GALNT2: variants seen among roughly 807,000 people sequenced by gnomAD.
GALNT2 encodes the protein UDP-GalNAc:polypeptide N-acetylgalactosaminyltransferase 2.
A neutral mutation model predicts 81.4 loss-of-function variants in GALNT2; 31 were observed. That is an observed-to-expected ratio of 0.38 (90% CI 0.29 to 0.51). GALNT2 has a LOEUF of 0.51. Ranked by LOEUF, GALNT2 falls within the 20% of genes least tolerant of loss-of-function variation. GALNT2 has a pLI of 0.87. For missense variants in GALNT2, 629 were observed against 765.7 expected, an observed-to-expected ratio of 0.82 and a Z score of 2.11; for synonymous variants, 303 against 287.4, an observed-to-expected ratio of 1.05 and a Z score of -0.55.
At chr1:230,203,388 G>T in intron 3 of GALNT2, 98 bp downstream of exon 3, 2 of 1,375,818 alleles carry the variant, frequency 1.5e-6, no homozygotes, top group Non-Finnish European at 2.0e-6. Context: ...CCATTACTCT[G>T]GGAAATTGAA....
At chr1:230,172,704 G>A (rs1662834109) in intron 1 of GALNT2, among the ~76,000 whole-genome samples, 2 of 152,160 alleles carry the variant, frequency 1.3e-5, no homozygotes, top group South Asian at 2.1e-4. Context: ...TGGCAACTGA[G>A]CCAAGAACAC....
Position 230,157,367 on chromosome 1 carries a change from G to A in GALNT2, c.127-20851G>A, listed in dbSNP as rs577466912. Among the ~76,000 whole-genome samples the A allele has an allele frequency of 1.5e-4, 23 of 152,336 alleles. No homozygotes were observed. In the South Asian group the frequency reaches 4.8e-3, roughly 32 times the overall value. On this transcript the variant is annotated intron_variant, in intron 1 of 15. Coordinates refer to ENST00000366672, the MANE Select transcript of GALNT2 (RefSeq NM_004481.5). ...TACTGGCAAGGACATAGAGCAGCTG[G>A]AACTCTTATCCCTTGCCAGTGGGAA...
At chr1:230,208,450 T>A (rs189311716) in intron 3 of GALNT2, among the ~76,000 whole-genome samples, 1 of 152,282 alleles carries the variant, frequency 6.6e-6, no homozygotes, top group African/African-American at 2.4e-5. Context: ...CTGCTCAGTG[T>A]AGGTGGACCT....
chr1:230,114,067 C>T (rs1420925661), intron 1 of GALNT2, among the ~76,000 whole-genome samples: 2 of 152,048 alleles, frequency 1.3e-5, no homozygotes, highest in Admixed American at 6.6e-5. Context: ...TAAGGAAAGC[C>T]GTTTTTGACG....
intron 1 of GALNT2, among the ~76,000 whole-genome samples, chr1:230,140,443 G>A (rs59041076): frequency 0.21 from 31,424 of 152,178 alleles, 3,562 homozygotes; most frequent in African/African-American, 0.31. Context: ...GTGCCTAGGT[G>A]ACAGAGAGTG....
Position 230,236,010 on chromosome 1 carries a change from G to C in GALNT2, c.375-4G>C, listed in dbSNP as rs527380779. On this transcript the variant is annotated splice_polypyrimidine_tract_variant and splice_region_variant and intron_variant, in intron 3 of 15. Coordinates refer to ENST00000366672, the MANE Select transcript of GALNT2 (RefSeq NM_004481.5). The stretch of plus-strand genomic sequence containing the variant: ...TTCAGAGGACCATCTTTCTCTTCCT[G>C]CAGGTGTCAGCGGAAGCAGTGGCGG... 1.9e-5 allele frequency: 31 copies of C among 1,613,728 alleles called. No homozygotes were observed. Among genetic ancestry groups the C allele is most frequent in the Non-Finnish European group, 2.5e-5 (29 of 1,179,814 alleles).
chr1:230,061,076 C>T (rs571696823), intron 1 of GALNT2, among the ~76,000 whole-genome samples: 2 of 152,254 alleles, frequency 1.3e-5, no homozygotes, highest in African/African-American at 2.4e-5. Flanking sequence ...AAACCAAGAT[C>T]TGGGTGCAAG....
At chr1:230,077,171 C>T (rs1659588595) in intron 1 of GALNT2, among the ~76,000 whole-genome samples, 1 of 152,182 alleles carries the variant, frequency 6.6e-6, no homozygotes, top group Non-Finnish European at 1.5e-5. Flanking sequence ...TGTGGGATGC[C>T]TCCCAGTCTC....
intron 1 of GALNT2, among the ~76,000 whole-genome samples, chr1:230,110,023 G>T (rs1194124451): frequency 6.6e-6 from 1 of 152,166 alleles, no homozygotes; most frequent in African/African-American, 2.4e-5. Flanking sequence ...CACCCGTCTG[G>T]GGTAGCACTG....
At chr1:230,074,298 G>T (rs756397309) in intron 1 of GALNT2, among the ~76,000 whole-genome samples, 3 of 152,130 alleles carry the variant, frequency 2.0e-5, no homozygotes, top group Non-Finnish European at 4.4e-5. Context: ...TCACTATGTT[G>T]CCCAGGCTGG....
intron 3 of GALNT2, among the ~76,000 whole-genome samples, chr1:230,221,325 C>T (rs1340393373): frequency 4.6e-5 from 7 of 152,106 alleles, no homozygotes; most frequent in Non-Finnish European, 7.3e-5. Context: ...TTAATGCTAA[C>T]GTTGGGATGA....
chr1:230,175,662 A>C (rs1323588186), intron 1 of GALNT2, among the ~76,000 whole-genome samples: 4 of 79,500 alleles, frequency 5.0e-5, no homozygotes, highest in African/African-American at 1.2e-4. Flanking sequence ...CCTCCTCCTC[A>C]CTGTCCTCCC....
chr1:230,267,591 G>C lies in GALNT2; in HGVS notation c.1440+2224G>C, dbSNP rs115657983. On this transcript the variant is annotated intron_variant, in intron 14 of 15. Transcript: ENST00000366672. ...GCCAGCCTTCAGCTATAGCCTGAGGGACCAGTTTTAGGTATTTCACACTGT... is the reference window on the plus strand; with the variant it reads ...GCCAGCCTTCAGCTATAGCCTGAGGCACCAGTTTTAGGTATTTCACACTGT... Among the ~76,000 whole-genome samples, 645 of 152,340 alleles carry C rather than the reference G, an allele frequency of 4.2e-3. 8 individuals are homozygous for C. Among genetic ancestry groups the C allele is most frequent in the African/African-American group, 0.015 (625 of 41,570 alleles).
chr1:230,233,745 T>C (rs539108576), intron 3 of GALNT2, among the ~76,000 whole-genome samples: 1 of 152,300 alleles, frequency 6.6e-6, no homozygotes, highest in Admixed American at 6.5e-5. Flanking sequence ...AAACTGACAA[T>C]AGATTAATAA....
At chr1:230,061,781 T>C (rs1659054713) in intron 1 of GALNT2, among the ~76,000 whole-genome samples, 1 of 152,216 alleles carries the variant, frequency 6.6e-6, no homozygotes, top group Admixed American at 6.5e-5. Flanking sequence ...TGTATGTGAG[T>C]GTGTATGTGT....
intron 1 of GALNT2, among the ~76,000 whole-genome samples, chr1:230,130,283 G>A (rs941871669): frequency 6.6e-6 from 1 of 152,186 alleles, no homozygotes; most frequent in Non-Finnish European, 1.5e-5. Flanking sequence ...TACCCACAGC[G>A]CTGCCGCAGC....
chr1:230,116,589 A>C (rs1233813174), intron 1 of GALNT2, among the ~76,000 whole-genome samples: 1 of 152,242 alleles, frequency 6.6e-6, no homozygotes, highest in African/African-American at 2.4e-5. Flanking sequence ...CATGGGCTGC[A>C]GAATGGCTGT....
At chr1:230,058,066 T>C (rs951316809) in exon 1 of GALNT2, 3 of 456,158 alleles carry the variant, frequency 6.6e-6, no homozygotes, top group African/African-American at 6.0e-5. Context: ...CCGTAGCCCC[T>C]ATGGCTGACA....
In GALNT2 at chr1:230,243,246, G is replaced by C. The variant is rs1252556929; in HGVS notation, c.608-60G>C. ...GCAGGGAGGCGTCGCCGGTTGGCAT[G>C]GGGTTGTGCTGGCCCTGTGGCTTCT... On this transcript the variant is annotated intron_variant, in intron 6 of 15. Coordinates refer to ENST00000366672, the MANE Select transcript of GALNT2 (RefSeq NM_004481.5). This position sits in a 1 kb window ranked among gnomAD's most constrained non-coding sequence, Gnocchi z 4.2. The C allele has an allele frequency of 2.5e-5, 38 of 1,521,932 alleles. No individual in the cohort carries two copies. Among genetic ancestry groups the C allele is most frequent in the Non-Finnish European group, 3.0e-5 (34 of 1,137,842 alleles). The allele number at this position is 1,521,932 out of a possible 1,614,324, so 94.3% of individuals were successfully genotyped here.
Sources: gnomAD v4.1 joint callset for allele counts (sites outside exome capture counted in the v4.1 genomes callset) on GRCh38, gnomAD v4.1.1 for gene constraint, Gnocchi (gnomAD v3.1) non-coding constraint, MANE v1.5 for transcripts, NCBI Gene and HGNC (gene_info 2026-07-23, HGNC 2026-07-21) for gene names.